The following STXBP5L variants were observed in gnomAD, a reference collection of about 807,000 sequenced individuals.
STXBP5L encodes syntaxin binding protein 5L.
A neutral mutation model predicts 144.5 loss-of-function variants in STXBP5L; 65 were observed. The ratio of observed to expected loss-of-function variants is 0.45; its 90% CI spans 0.37 to 0.55. The LOEUF (loss-of-function observed/expected upper bound fraction) is 0.55. STXBP5L is among the 20% of genes least tolerant of loss of function. STXBP5L has a pLI of 0.00. For synonymous variants in STXBP5L, 505 were observed against 469.6 expected, an observed-to-expected ratio of 1.08 and a Z score of -0.97; for missense variants, 1,298 against 1,405.5, an observed-to-expected ratio of 0.92 and a Z score of 1.22.
intron 5 of STXBP5L, among the ~76,000 whole-genome samples, chr3:121,061,766 T>C (rs1340763966): frequency 6.6e-6 from 1 of 152,212 alleles, no homozygotes; most frequent in East Asian, 1.9e-4. Context: ...TTAAAGTCTG[T>C]TTTATCAGAG....
Position 121,306,311 on chromosome 3 carries a change from TG to T in STXBP5L, c.2111-12161del, listed in dbSNP as rs763436680. Among the ~76,000 whole-genome samples the T allele has an allele frequency of 2.4e-3, 365 of 152,246 alleles. 4 individuals carry two copies. The Middle Eastern group carries it at 0.027, about 11-fold the overall frequency. On this transcript the variant is annotated intron_variant, in intron 19 of 26. Coordinates refer to ENST00000471454, the MANE Select transcript of STXBP5L (RefSeq NM_001308330.2). ...CTCCAAGTTGAAGAGACCAAATTCC[TG>T]GGAAGTGTTACCAAGAGGTCAGAGG... is the stretch of plus-strand genomic sequence containing the variant.
At position 120,909,751 on chromosome 3, in the gene STXBP5L, A is replaced by G; in HGVS notation, c.173A>G (p.Tyr58Cys). ...EEIQETLTSEYFQICKTVRHG... is the reference protein window; with the variant it reads ...EEIQETLTSECFQICKTVRHG... ...ATTCAGGAAACTTTGACTTCGGAGT[A>G]TTTCCAGATTTGCAAGGTAAGTTTT... is the stretch of plus-strand genomic sequence containing the variant. The change falls in exon 2 of 27, where the codon TAT (tyrosine) becomes TGT (cysteine). Residue 58 changes from tyrosine (Y) to cysteine (C), a missense_variant. Transcript: ENST00000471454. 1 of 1,611,904 alleles carries G rather than the reference A, an allele frequency of 6.2e-7. No homozygotes were observed. Among genetic ancestry groups the G allele is most frequent in the African/African-American group, 1.3e-5 (1 of 74,786 alleles).
Position 121,191,362 on chromosome 3 carries a change from A to G in STXBP5L, c.878-14561A>G, listed in dbSNP as rs548719311. Among the ~76,000 whole-genome samples the G allele has an allele frequency of 3.3e-5, 5 of 152,276 alleles. No individual in the cohort carries two copies. The South Asian group carries it at 1.0e-3, about 32-fold the overall frequency. On this transcript the variant is annotated intron_variant, in intron 9 of 26. Transcript: ENST00000471454. ...AGACCAGCCCGGCCAACACGGCGAA[A>G]CCCTGTCTCCACCAAAAAATATGAA... is the stretch of plus-strand genomic sequence containing the variant.
At chr3:121,029,305 A>G (rs753193766) in intron 3 of STXBP5L, among the ~76,000 whole-genome samples, 4 of 152,146 alleles carry the variant, frequency 2.6e-5, no homozygotes, top group East Asian at 1.9e-4. Context: ...AGTAACCAAA[A>G]CAGCATGGTA....
At chr3:121,179,545 A>G (rs1482054342) in intron 9 of STXBP5L, among the ~76,000 whole-genome samples, 1 of 152,180 alleles carries the variant, frequency 6.6e-6, no homozygotes, top group Non-Finnish European at 1.5e-5. Flanking sequence ...ATACCCCTAA[A>G]TGATCACACT....
intron 20 of STXBP5L, among the ~76,000 whole-genome samples, chr3:121,374,674 A>G (rs1236854183): frequency 6.6e-6 from 1 of 152,114 alleles, no homozygotes; most frequent in Admixed American, 6.5e-5. Flanking sequence ...AAAAAATACA[A>G]TTGAGTACTT....
At chr3:121,094,869 G>T (rs1403082486) in intron 5 of STXBP5L, among the ~76,000 whole-genome samples, 2 of 152,016 alleles carry the variant, frequency 1.3e-5, no homozygotes, top group East Asian at 3.9e-4. Flanking sequence ...TCCTAGTCTC[G>T]ATGGTCTTTA....
At chr3:121,351,918 C>CA (rs2045300056) in intron 20 of STXBP5L, among the ~76,000 whole-genome samples, 2 of 152,106 alleles carry the variant, frequency 1.3e-5, no homozygotes, top group African/African-American at 4.8e-5. Flanking sequence ...CCAGTTTTCC[C>CA]AGCACCATTT....
intron 19 of STXBP5L, among the ~76,000 whole-genome samples, chr3:121,314,441 G>A (rs978166920): frequency 4.3e-5 from 6 of 140,162 alleles, no homozygotes; most frequent in East Asian, 2.1e-4. Context: ...AAAAAAAAAC[G>A]AAAACCAGTC....
intron 3 of STXBP5L, among the ~76,000 whole-genome samples, chr3:121,034,148 T>C (rs1269092453): frequency 6.6e-6 from 1 of 152,054 alleles, no homozygotes; most frequent in East Asian, 1.9e-4. Flanking sequence ...TTTTCTGAAA[T>C]TTATATACAT....
At chr3:120,960,175 G>C (rs139455553) in intron 3 of STXBP5L, among the ~76,000 whole-genome samples, 4 of 151,940 alleles carry the variant, frequency 2.6e-5, no homozygotes, top group African/African-American at 9.7e-5. Context: ...TCATCACTGG[G>C]CAACAGAGAA....
intron 19 of STXBP5L, among the ~76,000 whole-genome samples, chr3:121,313,773 G>T (rs1436772417): frequency 1.3e-4 from 18 of 139,804 alleles, no homozygotes; most frequent in South Asian, 5.0e-4. Context: ...GGTGGCTGCC[G>T]GGCGGAGACG....
intron 14 of STXBP5L, among the ~76,000 whole-genome samples, chr3:121,241,304 T>C (rs1250269805): frequency 6.6e-6 from 1 of 151,750 alleles, no homozygotes; most frequent in Non-Finnish European, 1.5e-5. Flanking sequence ...ATGAAGAAAG[T>C]GGCAGTGTAT....
chr3:120,998,383 G>GT (rs147736530), intron 3 of STXBP5L, among the ~76,000 whole-genome samples: 14,940 of 151,698 alleles, frequency 0.098, 1,162 homozygotes, highest in Admixed American at 0.2. Flanking sequence ...CTTTGGCAAA[G>GT]TTTTTTTTTA....
chr3:120,914,709 A>G (rs1056790419), intron 2 of STXBP5L, among the ~76,000 whole-genome samples: 3 of 152,140 alleles, frequency 2.0e-5, no homozygotes, highest in African/African-American at 7.2e-5. Context: ...CATAAAAAGA[A>G]TAATAGAAGA....
intron 3 of STXBP5L, among the ~76,000 whole-genome samples, chr3:120,958,779 C>G (rs946893503): frequency 1.3e-5 from 2 of 152,084 alleles, no homozygotes; most frequent in Non-Finnish European, 2.9e-5. Context: ...CTATCTATGA[C>G]AAACCCACAG....
intron 23 of STXBP5L, 186 bp downstream of exon 23, chr3:121,407,789 G>T: frequency 2.4e-6 from 2 of 836,680 alleles, no homozygotes; most frequent in Non-Finnish European, 3.5e-6. Flanking sequence ...TTTTGTTTTG[G>T]TTTTTCTTTT....
rs2047337738 is a variant in STXBP5L at position 121,420,763 on chromosome 3, GTTATT to G, written c.*1672_*1676del. 1 of 151,944 alleles carries G rather than the reference GTTATT, an allele frequency of 6.6e-6. No individual in the cohort carries two copies. The highest frequency in any genetic ancestry group is 1.5e-5 in the Non-Finnish European group (1 of 67,972). The allele number at this position is 151,944 out of a possible 1,614,324, so 9.4% of individuals were successfully genotyped here. ...ACTTCACAATTTTCCTGGATTTCAG[GTTATT>G]TTATTAGCCAAAAAATCGTATTTTT... is the stretch of plus-strand genomic sequence containing the variant. On this transcript the variant is annotated 3_prime_UTR_variant, in exon 27 of 27. Transcript: ENST00000471454.
At chr3:121,322,414 G>T (rs1316854055) in intron 20 of STXBP5L, among the ~76,000 whole-genome samples, 1 of 148,962 alleles carries the variant, frequency 6.7e-6, no homozygotes, top group Non-Finnish European at 1.5e-5. Flanking sequence ...AGAGGCGGAG[G>T]TTGTGGTGAG....
Sources: gnomAD v4.1 joint callset for allele counts (sites outside exome capture counted in the v4.1 genomes callset) on GRCh38, gnomAD v4.1.1 for gene constraint, MANE v1.5 for transcripts, NCBI Gene and HGNC (gene_info 2026-07-23, HGNC 2026-07-21) for gene names.